ARHGAP6: variants seen among roughly 807,000 people sequenced by gnomAD.
The protein encoded by ARHGAP6 is rho GTPase-activating protein 6.
ARHGAP6 carries 16 observed loss-of-function variants against 55.7 expected under a neutral mutation model. The observed-to-expected ratio is 0.29, with a 90% confidence interval of 0.19 to 0.44. The LOEUF is 0.44. Ranked by LOEUF, ARHGAP6 falls within the 20% of genes least tolerant of loss-of-function variation. The pLI is 1.00. For missense variants in ARHGAP6, 698 were observed against 808.9 expected (o/e 0.86, Z 1.66); for synonymous variants, 382 against 360.9 (o/e 1.06, Z -0.66).
Position 11,628,424 on chromosome X carries a change from T to G in ARHGAP6, c.588+35817A>C, listed in dbSNP as rs1192452117. On this transcript the variant is annotated intron_variant, in intron 1 of 12. Transcript: ENST00000337414. ...AAGTGAATCTGTAAAGAGGGAATTG[T>G]ATTATTGTGTAATGCTGAGGATTTA... 3.5e-5 allele frequency among the ~76,000 whole-genome samples: 4 copies of G among 112,900 alleles called. No homozygotes were observed. In the South Asian group the frequency reaches 1.4e-3, roughly 40 times the overall value.
chrX:11,174,635 C>CT (rs1555964830), intron 8 of ARHGAP6, among the ~76,000 whole-genome samples: 40 of 45,848 alleles, frequency 8.7e-4, no homozygotes, highest in Non-Finnish European at 9.8e-4. Flanking sequence ...TTCTTTCTTT[C>CT]TTTCTTTCTT....
intron 1 of ARHGAP6, among the ~76,000 whole-genome samples, chrX:11,360,041 G>T (rs764903528): frequency 9.0e-6 from 1 of 111,507 alleles, no homozygotes; most frequent in South Asian, 3.8e-4. Flanking sequence ...AAGAGTCCAG[G>T]ACCAGATGGA....
At chrX:11,517,623 T>C (rs927693915) in intron 1 of ARHGAP6, among the ~76,000 whole-genome samples, 3 of 111,626 alleles carry the variant, frequency 2.7e-5, no homozygotes, top group African/African-American at 9.8e-5. Flanking sequence ...CAGTATGATA[T>C]TGGCTGTAGG....
At chrX:11,407,191 C>T (rs1342048674) in intron 1 of ARHGAP6, among the ~76,000 whole-genome samples, 1 of 111,421 alleles carries the variant, frequency 9.0e-6, no homozygotes, top group South Asian at 3.8e-4. Context: ...ATCTATATTC[C>T]ATCTCCATGG....
At chrX:11,176,639 C>G (rs1468220932) in intron 8 of ARHGAP6, among the ~76,000 whole-genome samples, 2 of 109,797 alleles carry the variant, frequency 1.8e-5, no homozygotes, top group East Asian at 5.8e-4. Flanking sequence ...ACTGGAGTAC[C>G]TTTAAACACA....
intron 1 of ARHGAP6, among the ~76,000 whole-genome samples, chrX:11,274,606 A>AT (rs1164220340): frequency 2.7e-5 from 3 of 111,242 alleles, no homozygotes; most frequent in African/African-American, 9.8e-5. Context: ...AAGGAACCAC[A>AT]TTTTTTTTCT....
At chrX:11,571,734 A>AATG (rs2051520452) in intron 1 of ARHGAP6, among the ~76,000 whole-genome samples, 1 of 106,656 alleles carries the variant, frequency 9.4e-6, no homozygotes. Context: ...TAATAATAAT[A>AATG]ATAATTAGCT....
chrX:11,406,452 G>A lies in ARHGAP6; in HGVS notation c.589-151745C>T, dbSNP rs759412280. 1.7e-4 allele frequency among the ~76,000 whole-genome samples: 19 copies of A among 110,881 alleles called. No individual in the cohort carries two copies. In the South Asian group the frequency reaches 2.7e-3, roughly 16 times the overall value. ...GGTACTGTTTGGCTTACAGCATTCC[G>A]CCTGAGCTTGCTGTAAACTATACAC... On this transcript the variant is annotated intron_variant, in intron 1 of 12. Transcript: ENST00000337414.
chrX:11,655,101 T>A (rs1027987470), intron 1 of ARHGAP6, among the ~76,000 whole-genome samples: 1 of 112,067 alleles, frequency 8.9e-6, no homozygotes, highest in Non-Finnish European at 1.9e-5. Flanking sequence ...TCTCTATGGA[T>A]TTGCCTATTC....
Position 11,163,045 on chromosome X carries a change from T to C in ARHGAP6, c.1810-6419A>G, listed in dbSNP as rs142331045. 6.5e-3 allele frequency among the ~76,000 whole-genome samples: 730 copies of C among 112,135 alleles called. 6 individuals carry two copies. The highest frequency in any genetic ancestry group is 0.022 in the African/African-American group (686 of 30,878). ...GCCCAAAGTGATTCTTCATTTACAA[T>C]TCATTGTTTCACATCAAAATCTCTA... On this transcript the variant is annotated intron_variant, in intron 9 of 12. Transcript: ENST00000337414.
At position 11,574,396 on chromosome X, in the gene ARHGAP6, C is replaced by T. The variant is rs867322925; in HGVS notation, c.588+89845G>A. Among the ~76,000 whole-genome samples, 168 of 109,013 alleles carry T rather than the reference C, an allele frequency of 1.5e-3. 2 individuals are homozygous for T. Among genetic ancestry groups the T allele is most frequent in the Middle Eastern group, 9.3e-3 (2 of 214 alleles). 94.7% of individuals were successfully genotyped at this position (109,013 alleles called of 115,157 possible). A position where few individuals can be genotyped will look rare whatever the true frequency, so the allele number is the denominator to read the frequency against. On this transcript the variant is annotated intron_variant, in intron 1 of 12. Coordinates refer to ENST00000337414, the MANE Select transcript of ARHGAP6 (RefSeq NM_013427.3). ...TCCACCATGATCAAGTGGGCTTCAT[C>T]CCTGGGATGCAAGGCTGGTTCAATA...
intron 12 of ARHGAP6, 106 bp downstream of exon 12, chrX:11,142,127 A>C: frequency 4.0e-6 from 2 of 501,130 alleles, no homozygotes. Flanking sequence ...CATTTTCAGC[A>C]TTTCCCAAGT....
chrX:11,627,026 G>A (rs974849787), intron 1 of ARHGAP6, among the ~76,000 whole-genome samples: 2 of 111,257 alleles, frequency 1.8e-5, no homozygotes, highest in African/African-American at 6.5e-5. Context: ...CTATATCAGA[G>A]TAATAACAAA....
intron 1 of ARHGAP6, among the ~76,000 whole-genome samples, chrX:11,365,339 A>T (rs1471383778): frequency 8.9e-6 from 1 of 111,987 alleles, no homozygotes; most frequent in African/African-American, 3.2e-5. Flanking sequence ...TTTATTTCCA[A>T]TGGAGGGGGA....
At position 11,243,060 on chromosome X, in the gene ARHGAP6, A is replaced by G. The variant is rs772223341; in HGVS notation, c.748+11488T>C. Among the ~76,000 whole-genome samples the G allele has an allele frequency of 3.2e-4, 36 of 112,409 alleles. No homozygotes were observed. The Admixed American group carries it at 3.4e-3, about 11-fold the overall frequency. On this transcript the variant is annotated intron_variant, in intron 2 of 12. Coordinates refer to ENST00000337414, the MANE Select transcript of ARHGAP6 (RefSeq NM_013427.3). The stretch of plus-strand genomic sequence containing the variant: ...ATTGAATTTTTAATGTATCTCATTT[A>G]ATTTTTCAAATATTTATTGTGCTGT...
At chrX:11,376,685 C>T (rs1458268476) in intron 1 of ARHGAP6, among the ~76,000 whole-genome samples, 1 of 112,630 alleles carries the variant, frequency 8.9e-6, no homozygotes, top group African/African-American at 3.2e-5. Flanking sequence ...CTTATGAGAT[C>T]ACAAATTATT....
intron 1 of ARHGAP6, among the ~76,000 whole-genome samples, chrX:11,354,325 C>CTATATATATATATA (rs1221987760): frequency 1.5e-4 from 7 of 47,567 alleles, no homozygotes; most frequent in African/African-American, 2.6e-4. Flanking sequence ...CTCTCTCTCT[C>CTATATATATATATA]TCTATATATA....
At chrX:11,168,543 G>T (rs761826923) in intron 9 of ARHGAP6, among the ~76,000 whole-genome samples, 19 of 111,721 alleles carry the variant, frequency 1.7e-4, no homozygotes, top group Non-Finnish European at 3.4e-4. Context: ...GACAAGCATG[G>T]ACATAAATCT....
intron 1 of ARHGAP6, among the ~76,000 whole-genome samples, chrX:11,353,412 C>T (rs1008866752): frequency 8.9e-6 from 1 of 111,889 alleles, no homozygotes; most frequent in African/African-American, 3.2e-5. Flanking sequence ...TTTCAAGTCA[C>T]CCTGAGAACT....
Sources: allele counts gnomAD v4.1 joint callset (sites outside exome capture counted in the v4.1 genomes callset), GRCh38; gene constraint gnomAD v4.1.1; transcripts MANE v1.5; gene names NCBI Gene and HGNC (gene_info 2026-07-23, HGNC 2026-07-21).